Variants in CPNE2 observed in about 807,000 individuals in gnomAD.
The protein encoded by CPNE2 is copine 2.
CPNE2 carries 42 observed loss-of-function variants against 69.7 expected under a neutral mutation model. That is an observed-to-expected ratio of 0.60 (90% CI 0.47 to 0.78). CPNE2 has a LOEUF of 0.78. CPNE2 is among the 30% of genes least tolerant of loss of function. CPNE2 has a pLI of 0.00. For synonymous variants in CPNE2, 294 were observed against 289.8 expected (o/e 1.01, Z -0.15); for missense variants, 587 against 732.0 (o/e 0.80, Z 2.29).
chr16:57,105,428 C>T (rs999107633), intron 1 of CPNE2, among the ~76,000 whole-genome samples: 1 of 148,764 alleles, frequency 6.7e-6, no homozygotes, highest in Non-Finnish European at 1.5e-5. Flanking sequence ...CCTATGTGTC[C>T]GGTTTTTTTT....
intron 14 of CPNE2, chr16:57,145,737 G>A: frequency 3.6e-6 from 1 of 275,562 alleles, no homozygotes; most frequent in Non-Finnish European, 7.0e-6. Context: ...GAGGCACTAC[G>A]AGTCAAGTCA....
At chr16:57,138,215 C>T (rs2069897109) in intron 14 of CPNE2, among the ~76,000 whole-genome samples, 1 of 152,196 alleles carries the variant, frequency 6.6e-6, no homozygotes, top group Non-Finnish European at 1.5e-5. Flanking sequence ...CCACCCCTTT[C>T]TCATCTTCCA....
chr16:57,138,656 T>A (rs918907555), intron 14 of CPNE2, among the ~76,000 whole-genome samples: 1 of 149,138 alleles, frequency 6.7e-6, no homozygotes, highest in Non-Finnish European at 1.5e-5. Context: ...CTGACCACTA[T>A]ATGAAGCAGA....
intron 9 of CPNE2, 94 bp downstream of exon 9, chr16:57,121,854 G>A (rs2069765017): frequency 8.1e-7 from 1 of 1,231,076 alleles, no homozygotes; most frequent in Non-Finnish European, 1.2e-6. Context: ...AGCGAGGCCT[G>A]TGTTCAAATC....
chr16:57,093,968 T>TC (rs1182314463), intron 1 of CPNE2: 6 of 446,704 alleles, frequency 1.3e-5, no homozygotes, highest in African/African-American at 2.0e-5. Context: ...GCCCAGACCC[T>TC]CCCCCCCTGT....
intron 1 of CPNE2, among the ~76,000 whole-genome samples, chr16:57,096,277 A>G (rs1471346054): frequency 2.0e-5 from 3 of 152,252 alleles, no homozygotes; most frequent in African/African-American, 7.2e-5. Context: ...AATCTAAGCC[A>G]TCCAGTGTGT....
intron 7 of CPNE2, 67 bp from the exon 8 acceptor site, chr16:57,121,026 G>A: frequency 1.7e-6 from 2 of 1,206,322 alleles, no homozygotes; most frequent in East Asian, 4.9e-5. Flanking sequence ...TGCTTGGGGA[G>A]TTGAGAGGGG....
intron 1 of CPNE2, among the ~76,000 whole-genome samples, chr16:57,093,701 ATG>A (rs2069559755): frequency 6.6e-6 from 1 of 152,180 alleles, no homozygotes; most frequent in Non-Finnish European, 1.5e-5. Flanking sequence ...GTCTGGAAGA[ATG>A]ATCTTCCAGA....
At chr16:57,109,017 G>A (rs1351975140) in intron 1 of CPNE2, among the ~76,000 whole-genome samples, 1 of 152,184 alleles carries the variant, frequency 6.6e-6, no homozygotes, top group Non-Finnish European at 1.5e-5. Context: ...TTGTGTATGA[G>A]CTAGAGATAC....
At chr16:57,111,036 C>T in intron 2 of CPNE2, 114 bp downstream of exon 2, 1 of 834,938 alleles carries the variant, frequency 1.2e-6, no homozygotes, top group African/African-American at 1.8e-5. Flanking sequence ...GGAGTGTGGG[C>T]TGGTGGCAGG....
Position 57,125,896 on chromosome 16 carries a change from C to G in CPNE2, c.964C>G (p.Leu322Val). The G allele has an allele frequency of 6.2e-7, 1 of 1,614,190 alleles. No homozygotes were observed. Among genetic ancestry groups the G allele is most frequent in the Non-Finnish European group, 8.5e-7 (1 of 1,180,038 alleles). The change falls in exon 11 of 16, where the codon CTC becomes GTC. Residue 322 changes from leucine to valine, a missense_variant. By Grantham distance (32) the Leu-to-Val change is conservative. This residue lies in a region of CPNE2 where 269 missense variants were observed against 300.5 expected (regional missense o/e 0.90). Transcript: ENST00000290776. ...IDFTASNGNP[L>V]DPSSLHYINP... The stretch of plus-strand genomic sequence containing the variant: ...CTTTACAGCCTCCAACGGGAATCCC[C>G]TCGACCCTTCCTCTTTGCACTATAT...
chr16:57,113,138 T>A (rs974755655), intron 2 of CPNE2, 150 bp from the exon 3 acceptor site: 21 of 687,820 alleles, frequency 3.1e-5, no homozygotes, highest in East Asian at 8.1e-5. Context: ...TCCTTGTCTG[T>A]GAGCTGGGGA....
intron 3 of CPNE2, 88 bp downstream of exon 3, chr16:57,113,555 C>T: frequency 7.3e-7 from 1 of 1,375,092 alleles, no homozygotes; most frequent in Non-Finnish European, 9.8e-7. Context: ...TTTCCCTAGC[C>T]CCATCTTCCT....
At chr16:57,124,299 C>T (rs925841154) in intron 10 of CPNE2, 5 of 427,012 alleles carry the variant, frequency 1.2e-5, no homozygotes, top group African/African-American at 1.0e-4. Context: ...CCAGGCTGGT[C>T]TCAAACTCCT....
At chr16:57,138,915 C>T (rs527900775) in intron 14 of CPNE2, among the ~76,000 whole-genome samples, 1 of 152,288 alleles carries the variant, frequency 6.6e-6, no homozygotes, top group African/African-American at 2.4e-5. Context: ...GAGGGAGGCA[C>T]CTGGTCACCA....
intron 11 of CPNE2, 85 bp from the exon 12 acceptor site, chr16:57,127,764 A>T: frequency 7.5e-7 from 1 of 1,328,360 alleles, no homozygotes; most frequent in Non-Finnish European, 1.1e-6. Flanking sequence ...GAAGTGTATG[A>T]GGCAGAGTGG....
At chr16:57,115,667 A>C (rs1034490693) in intron 4 of CPNE2, 117 bp downstream of exon 4, 5 of 644,402 alleles carry the variant, frequency 7.8e-6, no homozygotes, top group Admixed American at 6.7e-5. Flanking sequence ...AAAAAGGCCC[A>C]ACTTACAACT....
At chr16:57,097,709 A>G (rs188544374) in intron 1 of CPNE2, among the ~76,000 whole-genome samples, 44 of 152,210 alleles carry the variant, frequency 2.9e-4, no homozygotes, top group African/African-American at 1.0e-3. Context: ...AGGGGACCTC[A>G]CATCCTCCAC....
chr16:57,134,203 T>C (rs1488853444), intron 12 of CPNE2, among the ~76,000 whole-genome samples: 1 of 152,110 alleles, frequency 6.6e-6, no homozygotes, highest in Admixed American at 6.5e-5. Context: ...GATGAGTCCC[T>C]AGGGAGCCTA....
Sources: allele counts gnomAD v4.1 joint callset (sites outside exome capture counted in the v4.1 genomes callset), GRCh38; gene constraint gnomAD v4.1.1; regional missense constraint gnomAD v4.1.1; transcripts MANE v1.5; gene names NCBI Gene and HGNC (gene_info 2026-07-23, HGNC 2026-07-21).